The following SHCBP1L variants were observed in gnomAD, a reference collection of about 807,000 sequenced individuals.
SHCBP1L encodes the protein SHC binding and spindle associated 1 like.
Under a neutral mutation model 62.5 loss-of-function variants are expected in SHCBP1L, and 67 were observed. The observed-to-expected ratio is 1.07, with a 90% CI of 0.88 to 1.31. SHCBP1L has a LOEUF of 1.31. Among genes scored for constraint, SHCBP1L ranks in the 40% most tolerant of loss-of-function variants. The pLI is 0.00. For synonymous variants in SHCBP1L, 284 were observed against 289.4 expected, an observed-to-expected ratio of 0.98 and a Z score of 0.19; for missense variants, 823 against 809.8, an observed-to-expected ratio of 1.02 and a Z score of -0.20.
chr1:182,944,963 T>C (rs1321572273), intron 2 of SHCBP1L, among the ~76,000 whole-genome samples: 132 of 144,558 alleles, frequency 9.1e-4, no homozygotes, highest in African/African-American at 3.1e-3. Flanking sequence ...CTTTCTTTTT[T>C]TTTTTTTTTT....
Position 182,900,118 on chromosome 1 carries a change from G to T in SHCBP1L, c.1827C>A (p.Leu609=), listed in dbSNP as rs752789658. 1 of 1,612,428 alleles carries T rather than the reference G, an allele frequency of 6.2e-7. No individual in the cohort carries two copies. Among genetic ancestry groups the T allele is most frequent in the South Asian group, 1.1e-5 (1 of 90,908 alleles). ...TATCTCCTGAAGAAGCCCTTTTGTTGAGAGCTTCTTCTGCTACGATAAAAA... is the reference window on the plus strand; with the variant it reads ...TATCTCCTGAAGAAGCCCTTTTGTTTAGAGCTTCTTCTGCTACGATAAAAA... ...EQFFIVAEEA[L]NKRASSGDKK... Residue 609 remains leucine (L), a synonymous_variant, in exon 10 of 10, where the codon CTC becomes CTA. Transcript: ENST00000367547.
chr1:182,941,191 T>TAA (rs549751668), intron 2 of SHCBP1L, among the ~76,000 whole-genome samples: 1 of 63,074 alleles, frequency 1.6e-5, no homozygotes, highest in Admixed American at 1.9e-4. Flanking sequence ...AAAAGCATGT[T>TAA]AAAAAAAAAA....
intron 5 of SHCBP1L, among the ~76,000 whole-genome samples, chr1:182,936,551 AT>A (rs925107852): frequency 3.1e-4 from 47 of 152,180 alleles, no homozygotes; most frequent in Admixed American, 2.9e-3. Context: ...TGCAACATAT[AT>A]TTTTAACTAA....
At chr1:182,951,274 A>AC (rs1558007063) in intron 2 of SHCBP1L, 44 bp downstream of exon 2, 2 of 1,405,166 alleles carry the variant, frequency 1.4e-6, no homozygotes, top group Admixed American at 2.4e-5. Flanking sequence ...AGTCTTTAAA[A>AC]GAACTGATTC....
Position 182,913,697 on chromosome 1 carries a change from A to G in SHCBP1L, c.1183-8048T>C, listed in dbSNP as rs561346606. The stretch of plus-strand genomic sequence containing the variant: ...ATAATCAAACAATTAAAATCCAAAG[A>G]TAGGCGGGGCACAGTGGCTCACACC... On this transcript the variant is annotated intron_variant, in intron 6 of 9. Coordinates refer to ENST00000367547, the MANE Select transcript of SHCBP1L (RefSeq NM_030933.4). Among the ~76,000 whole-genome samples the G allele has an allele frequency of 6.6e-5, 10 of 152,262 alleles. No homozygotes were observed. The South Asian group carries it at 1.5e-3, about 22-fold the overall frequency.
Position 182,903,021 on chromosome 1 carries a change from C to A in SHCBP1L, c.1710+18G>T. ...TACAATTCTTATAACAATGCTACATCAAGAAATAAGAGAATACCTTCATAT... is the reference window on the plus strand; with the variant it reads ...TACAATTCTTATAACAATGCTACATAAAGAAATAAGAGAATACCTTCATAT... On this transcript the variant is annotated intron_variant, in intron 9 of 9. Coordinates refer to ENST00000367547, the MANE Select transcript of SHCBP1L (RefSeq NM_030933.4). 6.4e-7 allele frequency: 1 copy of A among 1,551,246 alleles called. No individual in the cohort carries two copies. The highest frequency in any genetic ancestry group is 1.2e-5 in the South Asian group (1 of 80,188).
At chr1:182,933,010 A>G (rs1447936303) in intron 5 of SHCBP1L, among the ~76,000 whole-genome samples, 1 of 152,082 alleles carries the variant, frequency 6.6e-6, no homozygotes, top group Non-Finnish European at 1.5e-5. Context: ...GGTTCGAGCA[A>G]TTCTCCTGCC....
intron 3 of SHCBP1L, 99 bp from the exon 4 acceptor site, chr1:182,939,652 T>G: frequency 1.1e-6 from 1 of 875,160 alleles, no homozygotes; most frequent in Non-Finnish European, 1.7e-6. Flanking sequence ...ACCTCAATCT[T>G]AATTCTTAAG....
chr1:182,953,033 G>A lies in SHCBP1L; in HGVS notation c.101C>T (p.Thr34Met), dbSNP rs752274519. ...GCCCTTCAGGGTGGTCGCGGCCGCC[G>A]TGTCCCCGGAGACAGCGGAGGCGGA... ...EKSASAVSGDTAAATTLKGTA... is the reference protein window; with the variant it reads ...EKSASAVSGDMAAATTLKGTA... The change falls in exon 1 of 10, where the codon ACG becomes ATG. Residue 34 changes from threonine to methionine, a missense_variant. Transcript: ENST00000367547. 1.7e-5 allele frequency: 26 copies of A among 1,543,834 alleles called. No homozygotes were observed. Among genetic ancestry groups the A allele is most frequent in the African/African-American group, 2.7e-5 (2 of 73,206 alleles).
intron 6 of SHCBP1L, among the ~76,000 whole-genome samples, chr1:182,926,054 G>T (rs74861085): frequency 6.6e-6 from 1 of 152,120 alleles, no homozygotes; most frequent in African/African-American, 2.4e-5. Context: ...TGGGGGAAAG[G>T]GGAAATGGAG....
At chr1:182,923,813 C>G (rs762569574) in intron 6 of SHCBP1L, among the ~76,000 whole-genome samples, 45 of 152,216 alleles carry the variant, frequency 3.0e-4, no homozygotes, top group Middle Eastern at 3.4e-3. Context: ...AAGCGTTCCC[C>G]TTGAAAAACA....
chr1:182,933,766 T>C (rs965225274), intron 5 of SHCBP1L, among the ~76,000 whole-genome samples: 5 of 152,188 alleles, frequency 3.3e-5, no homozygotes, highest in African/African-American at 1.2e-4. Context: ...TTTGTATCTA[T>C]ATTCATTAGT....
intron 5 of SHCBP1L, among the ~76,000 whole-genome samples, chr1:182,934,302 A>G (rs982489442): frequency 6.6e-6 from 1 of 152,136 alleles, no homozygotes; most frequent in Non-Finnish European, 1.5e-5. Flanking sequence ...TTTGCATTCT[A>G]ACCAACAAAG....
rs1557999017 is a variant in SHCBP1L at position 182,929,755 on chromosome 1, A to G, written c.1077-3T>C. 1.3e-6 allele frequency: 2 copies of G among 1,534,306 alleles called. No individual in the cohort carries two copies. The highest frequency in any genetic ancestry group is 1.4e-5 in the African/African-American group (1 of 71,294). Reference sequence around the variant, plus strand: ...TTGGAAAGAAAGGTCCATGAACTCTATAGTTGAAAATATTTAGTTATAATT... The same window carrying G: ...TTGGAAAGAAAGGTCCATGAACTCTGTAGTTGAAAATATTTAGTTATAATT... On this transcript the variant is annotated splice_region_variant and splice_polypyrimidine_tract_variant and intron_variant, in intron 5 of 9. Transcript: ENST00000367547.
At chr1:182,951,991 T>TA (rs756229907) in intron 1 of SHCBP1L, 280 of 271,756 alleles carry the variant, frequency 1.0e-3, no homozygotes, top group South Asian at 1.7e-3. Flanking sequence ...CCATCTGTAC[T>TA]AAAAAAAAAT....
intron 2 of SHCBP1L, chr1:182,942,392 CT>C (rs1651397874): frequency 1.4e-6 from 1 of 732,996 alleles, no homozygotes; most frequent in Admixed American, 1.9e-5. Flanking sequence ...GCTGACCTTC[CT>C]CTTGGGTATC....
intron 5 of SHCBP1L, among the ~76,000 whole-genome samples, chr1:182,937,295 A>G (rs1191013529): frequency 5.9e-5 from 9 of 152,066 alleles, no homozygotes; most frequent in Admixed American, 5.9e-4. Flanking sequence ...GAATAATTTC[A>G]CTAGATACAG....
intron 5 of SHCBP1L, among the ~76,000 whole-genome samples, chr1:182,930,651 ATATGTGTGTGTG>A (rs1279592947): frequency 2.0e-5 from 1 of 49,982 alleles, no homozygotes; most frequent in East Asian, 5.4e-4. Flanking sequence ...GCCCTGGAGT[ATATGTGTGTGTG>A]TGTGTGTGTG....
At chr1:182,935,676 C>G (rs1468163888) in intron 5 of SHCBP1L, among the ~76,000 whole-genome samples, 2 of 152,038 alleles carry the variant, frequency 1.3e-5, no homozygotes, top group East Asian at 3.9e-4. Context: ...TTATTTAGAA[C>G]TTCTAGTATG....
Sources: allele counts gnomAD v4.1 joint callset (sites outside exome capture counted in the v4.1 genomes callset), GRCh38; gene constraint gnomAD v4.1.1; transcripts MANE v1.5; gene names NCBI Gene and HGNC (gene_info 2026-07-23, HGNC 2026-07-21).